Variants in XKR4 observed in about 807,000 individuals in gnomAD.
XKR4 encodes the protein XK related 4.
XKR4 carries 12 observed loss-of-function variants against 53.9 expected under a neutral mutation model. The ratio of observed to expected loss-of-function variants is 0.22; its 90% CI spans 0.14 to 0.36. The LOEUF (loss-of-function observed/expected upper bound fraction) is 0.36, where lower values mean the gene tolerates loss of function less well. Ranked by LOEUF, XKR4 falls within the 10% of genes least tolerant of loss-of-function variation. The pLI is 1.00. For synonymous variants in XKR4, 354 were observed against 362.4 expected (o/e 0.98, Z 0.26); for missense variants, 799 against 859.5 (o/e 0.93, Z 0.88).
At chr8:55,468,118 G>C (rs1012271090) in intron 2 of XKR4, among the ~76,000 whole-genome samples, 2 of 151,972 alleles carry the variant, frequency 1.3e-5, no homozygotes, top group Non-Finnish European at 2.9e-5. Flanking sequence ...CTATAGAGTG[G>C]GAAATCTTGT....
rs79320134 is a variant in XKR4 at position 55,190,083 on chromosome 8, G to A, written c.806+86789G>A. Among the ~76,000 whole-genome samples the A allele has an allele frequency of 9.8e-3, 1,493 of 152,292 alleles. 22 individuals carry two copies. The highest frequency in any genetic ancestry group is 0.034 in the African/African-American group (1,399 of 41,570). On this transcript the variant is annotated intron_variant, in intron 1 of 2. Transcript: ENST00000327381. ...ACCTGAAACATTGGCTTTAATCTGCGTGTGTGTTTAAACCATTTTGAGATG... is the reference window on the plus strand; with the variant it reads ...ACCTGAAACATTGGCTTTAATCTGCATGTGTGTTTAAACCATTTTGAGATG...
At chr8:55,151,560 T>C (rs1288912320) in intron 1 of XKR4, among the ~76,000 whole-genome samples, 1 of 152,204 alleles carries the variant, frequency 6.6e-6, no homozygotes, top group African/African-American at 2.4e-5. Flanking sequence ...TAATCTATTA[T>C]AGTAGAGTGT....
intron 1 of XKR4, among the ~76,000 whole-genome samples, chr8:55,340,472 G>C (rs1379277124): frequency 6.6e-6 from 1 of 152,226 alleles, no homozygotes; most frequent in African/African-American, 2.4e-5. Flanking sequence ...AATCAAGTGA[G>C]ACAGTTAAGA....
intron 2 of XKR4, among the ~76,000 whole-genome samples, chr8:55,363,273 C>T (rs889825999): frequency 6.6e-6 from 1 of 152,136 alleles, no homozygotes; most frequent in South Asian, 2.1e-4. Context: ...TGAACAAAAA[C>T]GAAAAACACC....
chr8:55,125,913 G>A (rs7005225), intron 1 of XKR4, among the ~76,000 whole-genome samples: 4,940 of 152,282 alleles, frequency 0.032, 254 homozygotes, highest in African/African-American at 0.11. Context: ...CCTTCTAAGT[G>A]TGAGCCCTGT....
chr8:55,321,709 G>T (rs1803216636), intron 1 of XKR4, among the ~76,000 whole-genome samples: 1 of 152,140 alleles, frequency 6.6e-6, no homozygotes, highest in African/African-American at 2.4e-5. Flanking sequence ...ACATATCTTG[G>T]GCCGGGCATG....
intron 1 of XKR4, among the ~76,000 whole-genome samples, chr8:55,125,792 A>G (rs1180684013): frequency 6.6e-6 from 1 of 152,230 alleles, no homozygotes; most frequent in Non-Finnish European, 1.5e-5. Context: ...ATCAACATAC[A>G]AAAAGATGAA....
At chr8:55,477,111 A>ACC (rs140045737) in intron 2 of XKR4, among the ~76,000 whole-genome samples, 2 of 151,738 alleles carry the variant, frequency 1.3e-5, no homozygotes, top group African/African-American at 2.4e-5. Flanking sequence ...TGGGTCCCTG[A>ACC]CCCCGAGCAG....
rs972275895 is a variant in XKR4 at position 55,465,083 on chromosome 8, T to G, written c.1007-58198T>G. Among the ~76,000 whole-genome samples, 76 of 152,242 alleles carry G rather than the reference T, an allele frequency of 5.0e-4. 1 individual carries two copies. The highest frequency in any genetic ancestry group is 1.8e-3 in the African/African-American group (73 of 41,496). ...TGCCCAAGGTAATTTATAGTTTCAGTGCCATCCCCATCAAGCTACCAATGA... is the reference window on the plus strand; with the variant it reads ...TGCCCAAGGTAATTTATAGTTTCAGGGCCATCCCCATCAAGCTACCAATGA... On this transcript the variant is annotated intron_variant, in intron 2 of 2. Transcript: ENST00000327381.
At chr8:55,301,828 C>A (rs901871280) in intron 1 of XKR4, among the ~76,000 whole-genome samples, 1 of 152,284 alleles carries the variant, frequency 6.6e-6, no homozygotes, top group East Asian at 1.9e-4. Context: ...CCTTTGCCCA[C>A]TTTTTGATGG....
chr8:55,294,695 C>T (rs1296442167), intron 1 of XKR4, among the ~76,000 whole-genome samples: 1 of 152,178 alleles, frequency 6.6e-6, no homozygotes, highest in African/African-American at 2.4e-5. Context: ...TCTTTTTATC[C>T]AGTATCTTAA....
At chr8:55,451,830 C>A in intron 2 of XKR4, 1 of 930,662 alleles carries the variant, frequency 1.1e-6, no homozygotes, top group Admixed American at 1.9e-5. Context: ...GGAGGCTGCT[C>A]ATGGTCATGC....
At chr8:55,236,307 C>A (rs1019080787) in intron 1 of XKR4, among the ~76,000 whole-genome samples, 1 of 152,202 alleles carries the variant, frequency 6.6e-6, no homozygotes, top group Non-Finnish European at 1.5e-5. Flanking sequence ...CATGAGGCTG[C>A]ATACAGTCCA....
Position 55,523,427 on chromosome 8 carries a change from G to T in XKR4, c.1153G>T (p.Ala385Ser), listed in dbSNP as rs751411350. 1.9e-5 allele frequency: 30 copies of T among 1,614,056 alleles called. No individual in the cohort carries two copies. The highest frequency in any genetic ancestry group is 2.4e-5 in the Non-Finnish European group (28 of 1,180,046). Residue 385 changes from alanine (A) to serine (S), a missense_variant, in exon 3 of 3, where the codon GCC becomes TCC. By Grantham distance (99) the Ala-to-Ser change is moderately conservative. This residue lies in a region of XKR4 where 54 missense variants were observed against 89.7 expected (regional missense o/e 0.60). Coordinates refer to ENST00000327381, the MANE Select transcript of XKR4 (RefSeq NM_052898.2). ...QFCWHFFTIA[A>S]RVITFALFAS... is the part of the protein sequence containing the mutation. ...CTGCTGGCACTTCTTCACCATCGCC[G>T]CCAGGGTCATCACGTTTGCCCTCTT...
chr8:55,416,100 C>T (rs1804842213), intron 2 of XKR4, among the ~76,000 whole-genome samples: 1 of 152,122 alleles, frequency 6.6e-6, no homozygotes, highest in Admixed American at 6.6e-5. Context: ...AATTAAAGAC[C>T]TGGTCTGGAG....
chr8:55,495,960 A>G (rs889825496), intron 2 of XKR4, among the ~76,000 whole-genome samples: 3 of 152,244 alleles, frequency 2.0e-5, no homozygotes, highest in Non-Finnish European at 4.4e-5. Context: ...AATATTTTAG[A>G]AAAATTGCCT....
At chr8:55,155,749 T>A (rs1464803154) in intron 1 of XKR4, among the ~76,000 whole-genome samples, 2 of 152,010 alleles carry the variant, frequency 1.3e-5, no homozygotes, top group Non-Finnish European at 2.9e-5. Context: ...TATTAGAATA[T>A]CGGGGACAAA....
chr8:55,485,486 A>G (rs879262895), intron 2 of XKR4, among the ~76,000 whole-genome samples: 7 of 152,226 alleles, frequency 4.6e-5, no homozygotes, highest in Non-Finnish European at 8.8e-5. Context: ...GGACTCTGAA[A>G]TGTAAAATAT....
chr8:55,476,475 C>T (rs1050066556), intron 2 of XKR4, among the ~76,000 whole-genome samples: 4 of 152,122 alleles, frequency 2.6e-5, no homozygotes, highest in African/African-American at 9.7e-5. Context: ...CAGCTCCCAG[C>T]GTGAGCGACA....
Sources: gnomAD v4.1 joint callset for allele counts (sites outside exome capture counted in the v4.1 genomes callset) on GRCh38, gnomAD v4.1.1 for gene constraint, gnomAD v4.1.1 regional missense constraint, MANE v1.5 for transcripts, NCBI Gene and HGNC (gene_info 2026-07-23, HGNC 2026-07-21) for gene names.